Variants in RGL1 observed in about 807,000 individuals in gnomAD.
RGL1 encodes the protein ral guanine nucleotide dissociation stimulator-like 1.
RGL1 carries 24 observed loss-of-function variants against 95.2 expected under a neutral mutation model. The observed-to-expected ratio is 0.25, with a 90% CI of 0.18 to 0.35. The LOEUF (loss-of-function observed/expected upper bound fraction) is 0.35, where lower values mean the gene tolerates loss of function less well. RGL1 is among the 10% of genes least tolerant of loss of function. The probability of loss-of-function intolerance (pLI) is 1.00; values close to 1 mark genes in which losing one functional copy is unlikely to be tolerated. For synonymous variants in RGL1, 329 were observed against 344.9 expected (o/e 0.95, Z 0.51); for missense variants, 715 against 936.3 (o/e 0.76, Z 3.08).
chr1:183,767,580 T>G (rs1389019193), intron 2 of RGL1, among the ~76,000 whole-genome samples: 1 of 152,180 alleles, frequency 6.6e-6, no homozygotes, highest in Non-Finnish European at 1.5e-5. Flanking sequence ...ATAGAAAATA[T>G]AGTGTGAAAC....
chr1:183,738,185 C>T (rs886421622), intron 1 of RGL1, among the ~76,000 whole-genome samples: 24 of 151,922 alleles, frequency 1.6e-4, no homozygotes, highest in South Asian at 2.1e-4. Context: ...TTTGGGAGGC[C>T]GAGGCAGGCA....
At chr1:183,762,449 T>C (rs142297784) in intron 2 of RGL1, among the ~76,000 whole-genome samples, 1 of 152,290 alleles carries the variant, frequency 6.6e-6, no homozygotes, top group Non-Finnish European at 1.5e-5. Flanking sequence ...CTTTGATCAA[T>C]TTTTTTCCAG....
At chr1:183,831,890 C>T (rs2500117) in intron 2 of RGL1, among the ~76,000 whole-genome samples, 69,764 of 151,994 alleles carry the variant, frequency 0.46, 16,707 homozygotes, top group African/African-American at 0.6. Context: ...TATATGGCTA[C>T]TATGAATAAA....
intron 1 of RGL1, among the ~76,000 whole-genome samples, chr1:183,741,237 A>G (rs1234480357): frequency 6.6e-6 from 1 of 152,192 alleles, no homozygotes; most frequent in Non-Finnish European, 1.5e-5. Flanking sequence ...AGTTTTAGGT[A>G]GATGGAACAT....
At chr1:183,812,765 G>A (rs1432719758) in intron 2 of RGL1, among the ~76,000 whole-genome samples, 2 of 152,140 alleles carry the variant, frequency 1.3e-5, no homozygotes, top group Non-Finnish European at 2.9e-5. Context: ...GGGCTGGGAC[G>A]CTGGGGGCCA....
intron 2 of RGL1, among the ~76,000 whole-genome samples, chr1:183,768,368 C>G (rs964490167): frequency 2.6e-5 from 4 of 151,406 alleles, no homozygotes; most frequent in Non-Finnish European, 5.9e-5. Flanking sequence ...CCATAACTTT[C>G]TTCACATCTC....
intron 2 of RGL1, among the ~76,000 whole-genome samples, chr1:183,778,557 T>G (rs576227566): frequency 6.6e-6 from 1 of 152,292 alleles, no homozygotes; most frequent in African/African-American, 2.4e-5. Flanking sequence ...TTCTGTCCTT[T>G]ATGGGGGTAA....
chr1:183,699,154 T>C (rs145223480), intron 1 of RGL1, among the ~76,000 whole-genome samples: 157 of 152,366 alleles, frequency 1.0e-3, no homozygotes, highest in African/African-American at 3.6e-3. Context: ...TTTAACACAT[T>C]CACTGTGGGG....
rs761216055 is a variant in RGL1, at chr1:183,866,021, T to C, written c.373T>C (p.Cys125Arg). 10 of 1,614,002 alleles carry C rather than the reference T, an allele frequency of 6.2e-6. No individual in the cohort carries two copies. The East Asian group carries it at 2.2e-4, about 36-fold the overall frequency. ...DRYGNLTSPNCEEDGSQSSSE... is the reference protein window; with the variant it reads ...DRYGNLTSPNREEDGSQSSSE... ...GTATGGAAACCTGACAAGCCCAAAC[T>C]GTGAAGAAGATGGAAGCCAAAGTTC... The change falls in exon 4 of 18, where the codon TGT becomes CGT. Residue 125 changes from cysteine to arginine, a missense_variant. Physicochemically the swap from Cys to Arg is radical, Grantham distance 180. Around this residue, in one of 3 missense-constraint regions of RGL1, gnomAD observed 381 missense variants for 484.8 expected, o/e 0.79. Transcript: ENST00000360851.
intron 1 of RGL1, among the ~76,000 whole-genome samples, chr1:183,702,373 T>C (rs1314553039): frequency 1.3e-5 from 2 of 152,246 alleles, no homozygotes; most frequent in Non-Finnish European, 2.9e-5. Flanking sequence ...TTTTGATAAA[T>C]AGTAGAATAT....
chr1:183,917,760 G>A (rs1042638115), intron 16 of RGL1, among the ~76,000 whole-genome samples: 4 of 152,238 alleles, frequency 2.6e-5, no homozygotes, highest in Admixed American at 6.5e-5. Context: ...ATAGAGCCAA[G>A]ATCAGGTGGT....
At chr1:183,819,445 C>G (rs1421359754) in intron 2 of RGL1, among the ~76,000 whole-genome samples, 2 of 152,124 alleles carry the variant, frequency 1.3e-5, no homozygotes, top group African/African-American at 4.8e-5. Context: ...CAACTCAATT[C>G]CCTTGCTCTC....
At chr1:183,798,184 A>G (rs1389094280) in intron 2 of RGL1, among the ~76,000 whole-genome samples, 1 of 151,876 alleles carries the variant, frequency 6.6e-6, no homozygotes, top group Non-Finnish European at 1.5e-5. Context: ...TTCGCATGGT[A>G]TTATTATTAT....
At chr1:183,908,142 A>T (rs780849323) in intron 14 of RGL1, among the ~76,000 whole-genome samples, 2 of 152,150 alleles carry the variant, frequency 1.3e-5, no homozygotes, top group Non-Finnish European at 2.9e-5. Flanking sequence ...GAAATGAATC[A>T]GTTAATATCT....
chr1:183,868,942 C>CT (rs1665998566), intron 4 of RGL1, among the ~76,000 whole-genome samples: 1 of 152,142 alleles, frequency 6.6e-6, no homozygotes, highest in African/African-American at 2.4e-5. Context: ...TAGTGGGACT[C>CT]TGTCTCTACA....
At chr1:183,755,336 AT>A (rs1306126606) in intron 2 of RGL1, among the ~76,000 whole-genome samples, 1 of 152,164 alleles carries the variant, frequency 6.6e-6, no homozygotes, top group Non-Finnish European at 1.5e-5. Context: ...TGTCAAGTAT[AT>A]TTAAAATGAA....
chr1:183,858,445 T>G (rs969270467), intron 3 of RGL1, among the ~76,000 whole-genome samples: 1 of 152,146 alleles, frequency 6.6e-6, no homozygotes, highest in Non-Finnish European at 1.5e-5. Flanking sequence ...ACAGGGGATA[T>G]GTAGGCAGCC....
At chr1:183,704,302 C>T (rs547386756) in intron 1 of RGL1, among the ~76,000 whole-genome samples, 1 of 152,284 alleles carries the variant, frequency 6.6e-6, no homozygotes, top group African/African-American at 2.4e-5. Flanking sequence ...AAACGCTGTT[C>T]TTTCCAGATG....
At chr1:183,840,574 C>A (rs1448717411) in intron 2 of RGL1, among the ~76,000 whole-genome samples, 1 of 152,014 alleles carries the variant, frequency 6.6e-6, no homozygotes, top group Non-Finnish European at 1.5e-5. Context: ...ATGTGAAACC[C>A]AGTGCAGGCC....
Sources: gnomAD v4.1 joint callset for allele counts (sites outside exome capture counted in the v4.1 genomes callset) on GRCh38, gnomAD v4.1.1 for gene constraint, gnomAD v4.1.1 regional missense constraint, MANE v1.5 for transcripts, NCBI Gene and HGNC (gene_info 2026-07-23, HGNC 2026-07-21) for gene names.